Variants in ARFGEF1 observed in about 807,000 individuals in gnomAD.
ARFGEF1 encodes the protein brefeldin A-inhibited guanine nucleotide-exchange protein 1.
Under a neutral mutation model 231.0 loss-of-function variants are expected in ARFGEF1, and 42 were observed. The ratio of observed to expected loss-of-function variants is 0.18; its 90% CI spans 0.14 to 0.24. ARFGEF1 has a LOEUF of 0.24. Ranked by LOEUF, ARFGEF1 falls within the 10% of genes least tolerant of loss-of-function variation. ARFGEF1 has a pLI of 1.00. For synonymous variants in ARFGEF1, 710 were observed against 732.3 expected, an observed-to-expected ratio of 0.97 and a Z score of 0.49; for missense variants, 1,345 against 2,192.0, an observed-to-expected ratio of 0.61 and a Z score of 7.72.
intron 8 of ARFGEF1, 66 bp downstream of exon 8, chr8:67,277,216 T>A (rs1805350417): frequency 2.7e-6 from 4 of 1,485,744 alleles, no homozygotes; most frequent in Non-Finnish European, 3.7e-6. Context: ...CATGACAAGG[T>A]GGTGGTAGCC....
At position 67,208,840 on chromosome 8, in the gene ARFGEF1, T is replaced by A. The variant is rs560509852; in HGVS notation, c.4819+2643A>T. The stretch of plus-strand genomic sequence containing the variant: ...GATATACAAATGGTCAACAAGCATA[T>A]GAAAAGATGGTTAACAACACTAATC... On this transcript the variant is annotated intron_variant, in intron 34 of 38. Coordinates refer to ENST00000262215, the MANE Select transcript of ARFGEF1 (RefSeq NM_006421.5). Among the ~76,000 whole-genome samples the A allele has an allele frequency of 8.5e-5, 13 of 152,240 alleles. No individual in the cohort carries two copies. In the South Asian group the frequency reaches 2.7e-3, roughly 32 times the overall value.
chr8:67,295,461 T>C (rs979334706), intron 5 of ARFGEF1, among the ~76,000 whole-genome samples: 1 of 152,148 alleles, frequency 6.6e-6, no homozygotes, highest in African/African-American at 2.4e-5. Flanking sequence ...GGACACAACA[T>C]TGTCTCAGAG....
intron 35 of ARFGEF1, 49 bp downstream of exon 35, chr8:67,204,631 C>T (rs372349089): frequency 1.6e-4 from 249 of 1,578,456 alleles, no homozygotes; most frequent in South Asian, 5.5e-4. Flanking sequence ...ACTGCTATAC[C>T]TAACTTCCTA....
chr8:67,179,265 A>G (rs943155967), intron 5 of ARFGEF1, among the ~76,000 whole-genome samples: 1 of 152,030 alleles, frequency 6.6e-6, no homozygotes, highest in Non-Finnish European at 1.5e-5. Context: ...TCGTTACTAT[A>G]CTATATGCTC....
chr8:67,319,657 G>C (rs1018439773), intron 1 of ARFGEF1, among the ~76,000 whole-genome samples: 2 of 152,038 alleles, frequency 1.3e-5, no homozygotes, highest in Non-Finnish European at 2.9e-5. Flanking sequence ...AGAGTTCTTA[G>C]ATAAAATACC....
intron 19 of ARFGEF1, among the ~76,000 whole-genome samples, chr8:67,245,351 G>C (rs1206497018): frequency 1.3e-5 from 2 of 150,502 alleles, no homozygotes; most frequent in African/African-American, 5.0e-5. Context: ...CTGTGGACAT[G>C]TAAAATACTC....
intron 29 of ARFGEF1, among the ~76,000 whole-genome samples, chr8:67,219,832 A>T (rs1839086726): frequency 1.3e-5 from 2 of 152,242 alleles, no homozygotes; most frequent in East Asian, 3.8e-4. Context: ...CAGCATTTAA[A>T]AAACTGTAAA....
intron 19 of ARFGEF1, among the ~76,000 whole-genome samples, chr8:67,246,400 C>T (rs1213348753): frequency 6.7e-6 from 1 of 150,276 alleles, no homozygotes; most frequent in African/African-American, 2.5e-5. Context: ...ACAAGTGAAT[C>T]TGAAGCCTCT....
intron 9 of ARFGEF1, among the ~76,000 whole-genome samples, chr8:67,274,085 A>C (rs1325709960): frequency 1.3e-5 from 2 of 152,184 alleles, no homozygotes; most frequent in South Asian, 2.1e-4. Flanking sequence ...ACTGTGTACA[A>C]GGCAATAATG....
At chr8:67,261,850 T>TA (rs1804635891) in intron 14 of ARFGEF1, among the ~76,000 whole-genome samples, 1 of 151,418 alleles carries the variant, frequency 6.6e-6, no homozygotes, top group Non-Finnish European at 1.5e-5. Flanking sequence ...TTTTTTTTTT[T>TA]TTAAAGAAAT....
rs1838984240 is a variant in ARFGEF1 at position 67,217,674 on chromosome 8, T to C, written c.4613+108A>G. The C allele has an allele frequency of 2.5e-6, 3 of 1,209,636 alleles. No homozygotes were observed. The Admixed American group carries it at 7.1e-5, about 29-fold the overall frequency. 74.9% of individuals were successfully genotyped at this position (1,209,636 alleles called of 1,614,324 possible). On this transcript the variant is annotated intron_variant, in intron 32 of 38. Transcript: ENST00000262215. ...TAAGAGTAAGACAAGCTTAAAAGGA[T>C]TTCTGTTATGAGAAATCAGTAGTCA... is the stretch of plus-strand genomic sequence containing the variant.
chr8:67,326,181 G>A (rs531821005), intron 1 of ARFGEF1, among the ~76,000 whole-genome samples: 1 of 152,132 alleles, frequency 6.6e-6, no homozygotes, highest in Admixed American at 6.5e-5. Context: ...CTGGTTGACA[G>A]AGTGAAACTC....
intron 10 of ARFGEF1, 126 bp from the exon 11 acceptor site, chr8:67,267,568 T>C: frequency 1.7e-6 from 1 of 599,422 alleles, no homozygotes; most frequent in South Asian, 2.5e-5. Flanking sequence ...TCAACTCCTT[T>C]TGAGTTCCAT....
rs533439685 is a variant in ARFGEF1, at chr8:67,278,763, T to C, written c.1028-1306A>G. 4.6e-5 allele frequency among the ~76,000 whole-genome samples: 7 copies of C among 152,258 alleles called. No homozygotes were observed. The South Asian group carries it at 1.0e-3, about 23-fold the overall frequency. Reference sequence around the variant, plus strand: ...CGGGAGGCTGAGGCAGGAGAATCACTTGAACCTGAGAGGTCAAAAAAACTG... The same window carrying C: ...CGGGAGGCTGAGGCAGGAGAATCACCTGAACCTGAGAGGTCAAAAAAACTG... On this transcript the variant is annotated intron_variant, in intron 7 of 38. Transcript: ENST00000262215.
At chr8:67,200,000 GC>G (rs1223644403) in intron 38 of ARFGEF1, 2 of 321,602 alleles carry the variant, frequency 6.2e-6, no homozygotes, top group Non-Finnish European at 1.2e-5. Flanking sequence ...AACAGCTGCA[GC>G]CCAGAGCACA....
chr8:67,269,999 G>T (rs1049864051), intron 10 of ARFGEF1, among the ~76,000 whole-genome samples: 2 of 152,134 alleles, frequency 1.3e-5, no homozygotes, highest in Non-Finnish European at 2.9e-5. Context: ...AAAAAAATCT[G>T]TAATTGGTTA....
chr8:67,329,409 G>A (rs1231569572), intron 1 of ARFGEF1, among the ~76,000 whole-genome samples: 1 of 149,992 alleles, frequency 6.7e-6, no homozygotes, highest in Non-Finnish European at 1.5e-5. Flanking sequence ...GGTGCCTGTA[G>A]TCCCAGCTAC....
chr8:67,228,285 T>G, intron 23 of ARFGEF1, 21 bp from the exon 24 acceptor site: 1 of 1,589,800 alleles, frequency 6.3e-7, no homozygotes, highest in Non-Finnish European at 8.6e-7. Flanking sequence ...TAAAACACAA[T>G]TTAAAAAATT....
chr8:67,236,393 TATATATATATATATATATG>T, intron 22 of ARFGEF1, among the ~76,000 whole-genome samples: 1 of 96,160 alleles, frequency 1.0e-5, no homozygotes, highest in South Asian at 4.6e-4. Flanking sequence ...TATATATATA[TATATATATATATATATATG>T]TATCCACTGT....
Sources: gnomAD v4.1 joint callset for allele counts (sites outside exome capture counted in the v4.1 genomes callset) on GRCh38, gnomAD v4.1.1 for gene constraint, MANE v1.5 for transcripts, NCBI Gene and HGNC (gene_info 2026-07-23, HGNC 2026-07-21) for gene names.